Variants in RNF4 observed in about 807,000 individuals in gnomAD.
RNF4 encodes E3 ubiquitin-protein ligase RNF4.
RNF4 carries 7 observed loss-of-function variants against 24.3 expected under a neutral mutation model. The ratio of observed to expected loss-of-function variants is 0.29; its 90% CI spans 0.16 to 0.54. RNF4 has a LOEUF of 0.54. Ranked by LOEUF, RNF4 falls within the 20% of genes least tolerant of loss-of-function variation. The pLI is 0.95. For synonymous variants in RNF4, 83 were observed against 84.3 expected, an observed-to-expected ratio of 0.98 and a Z score of 0.09; for missense variants, 209 against 248.5, an observed-to-expected ratio of 0.84 and a Z score of 1.07.
At chr4:2,479,616 C>G (rs988588162) in intron 1 of RNF4, among the ~76,000 whole-genome samples, 7 of 152,166 alleles carry the variant, frequency 4.6e-5, no homozygotes, top group Non-Finnish European at 1.0e-4. Flanking sequence ...TCCTTGCCTT[C>G]CACCTTGATT....
At chr4:2,503,168 C>G (rs538323577) in intron 4 of RNF4, among the ~76,000 whole-genome samples, 327 of 152,318 alleles carry the variant, frequency 2.1e-3, no homozygotes, top group African/African-American at 7.0e-3. Flanking sequence ...AGCCACCACA[C>G]TGGCCAGCTT....
At chr4:2,474,811 G>A (rs2108748700) in intron 1 of RNF4, among the ~76,000 whole-genome samples, 1 of 152,248 alleles carries the variant, frequency 6.6e-6, no homozygotes. Context: ...GATCACCTCA[G>A]GTTGGGACTT....
intron 1 of RNF4, among the ~76,000 whole-genome samples, chr4:2,488,892 C>T (rs1329540041): frequency 6.6e-6 from 1 of 151,932 alleles, no homozygotes; most frequent in African/African-American, 2.4e-5. Flanking sequence ...GATCTCGGCT[C>T]CTCTGCCTCC....
intron 2 of RNF4, among the ~76,000 whole-genome samples, chr4:2,493,906 A>C (rs1735654509): frequency 6.6e-6 from 1 of 151,426 alleles, no homozygotes; most frequent in South Asian, 2.1e-4. Flanking sequence ...CAGTGGATGC[A>C]ATATTGGCTC....
chr4:2,507,203 AGAGGGAGG>A (rs924616863), intron 4 of RNF4, among the ~76,000 whole-genome samples: 1 of 141,392 alleles, frequency 7.1e-6, no homozygotes. Context: ...GAAGGAAGGA[AGAGGGAGG>A]GAGGGAGGGA....
chr4:2,500,513 G>A (rs1402856479), intron 3 of RNF4, 146 bp from the exon 4 acceptor site: 20 of 725,080 alleles, frequency 2.8e-5, no homozygotes, highest in Non-Finnish European at 4.4e-5. Flanking sequence ...GGGAGGTGTT[G>A]GTCCTGGTGC....
At chr4:2,487,862 G>A (rs954816471) in intron 1 of RNF4, among the ~76,000 whole-genome samples, 2 of 152,176 alleles carry the variant, frequency 1.3e-5, no homozygotes, top group African/African-American at 4.8e-5. Context: ...AGAATGAGGC[G>A]CTCAGGGAGT....
intron 4 of RNF4, among the ~76,000 whole-genome samples, chr4:2,502,252 T>C (rs1560410800): frequency 6.6e-6 from 1 of 152,194 alleles, no homozygotes; most frequent in African/African-American, 2.4e-5. Flanking sequence ...TTCACCACAG[T>C]CTTCTTGGCC....
At chr4:2,472,780 C>G (rs550884687) in intron 1 of RNF4, among the ~76,000 whole-genome samples, 12 of 151,946 alleles carry the variant, frequency 7.9e-5, no homozygotes, top group South Asian at 2.1e-4. Context: ...GGTGGCTCAC[C>G]CGTGTAATCC....
intron 3 of RNF4, chr4:2,499,324 T>C (rs1345930598): frequency 1.1e-5 from 5 of 449,904 alleles, no homozygotes; most frequent in Non-Finnish European, 2.2e-5. Context: ...GGAGTTTTGC[T>C]CTTGTTGCCC....
chr4:2,494,167 A>C (rs1053191617), intron 2 of RNF4, among the ~76,000 whole-genome samples: 1 of 152,100 alleles, frequency 6.6e-6, no homozygotes, highest in Non-Finnish European at 1.5e-5. Flanking sequence ...ATTTGAACGT[A>C]AATTCAATTT....
chr4:2,492,598 G>A (rs1229937267), intron 2 of RNF4, among the ~76,000 whole-genome samples: 2 of 152,212 alleles, frequency 1.3e-5, no homozygotes, highest in Non-Finnish European at 2.9e-5. Context: ...AATGGTATGG[G>A]AAGATGGATG....
At chr4:2,503,616 T>C (rs1331267103) in intron 4 of RNF4, among the ~76,000 whole-genome samples, 1 of 152,184 alleles carries the variant, frequency 6.6e-6, no homozygotes. Context: ...AGTGCCAGTT[T>C]ATGAATTTAC....
chr4:2,512,271 T>A lies in RNF4; in HGVS notation c.215-167T>A, dbSNP rs1319491165. The A allele has an allele frequency of 7.2e-6, 6 of 834,476 alleles. No homozygotes were observed. The highest frequency in any genetic ancestry group is 1.1e-5 in the Non-Finnish European group (6 of 524,932). 51.7% of individuals were successfully genotyped at this position (834,476 alleles called of 1,614,324 possible). A position where few individuals can be genotyped will look rare whatever the true frequency, so the allele number is the denominator to read the frequency against. The stretch of plus-strand genomic sequence containing the variant: ...CTCCTGGGAAGATAAGATAGTGGCC[T>A]CCAGAGCTGGGCAGAACCTTCTGGG... On this transcript the variant is annotated intron_variant, in intron 5 of 7. Transcript: ENST00000314289. This position sits in a 1 kb window ranked among gnomAD's most constrained non-coding sequence, Gnocchi z 4.1.
intron 4 of RNF4, among the ~76,000 whole-genome samples, chr4:2,502,696 T>C (rs1315281331): frequency 7.0e-6 from 1 of 143,738 alleles, no homozygotes; most frequent in East Asian, 2.0e-4. Flanking sequence ...ATACAAAAAT[T>C]AGCCAGGTGT....
chr4:2,480,425 A>G (rs1735212012), intron 1 of RNF4: 1 of 151,678 alleles, frequency 6.6e-6, no homozygotes, highest in South Asian at 2.1e-4. Flanking sequence ...GATGCCCACC[A>G]CCATGCCTGG....
intron 4 of RNF4, among the ~76,000 whole-genome samples, chr4:2,502,881 C>G (rs1458869049): frequency 2.6e-5 from 4 of 151,676 alleles, no homozygotes; most frequent in African/African-American, 9.7e-5. Context: ...AACAGGGTCT[C>G]ACTCTGTTGC....
intron 1 of RNF4, among the ~76,000 whole-genome samples, chr4:2,482,437 C>T (rs1443696477): frequency 4.6e-5 from 7 of 152,326 alleles, no homozygotes; most frequent in South Asian, 4.1e-4. Context: ...AGGATGTTGA[C>T]GGCCTCTAGC....
chr4:2,472,836 C>G (rs566819274), intron 1 of RNF4, among the ~76,000 whole-genome samples: 2 of 151,046 alleles, frequency 1.3e-5, no homozygotes, highest in East Asian at 3.9e-4. Context: ...GTCAGGAGAT[C>G]GAGACCATCC....
Sources: allele counts gnomAD v4.1 joint callset (sites outside exome capture counted in the v4.1 genomes callset), GRCh38; gene constraint gnomAD v4.1.1; non-coding constraint Gnocchi (gnomAD v3.1); transcripts MANE v1.5; gene names NCBI Gene and HGNC (gene_info 2026-07-23, HGNC 2026-07-21).